CA10: variants seen among roughly 807,000 people sequenced by gnomAD.
CA10 encodes carbonic anhydrase-related protein 10.
A neutral mutation model predicts 44.2 loss-of-function variants in CA10; 14 were observed. That is an observed-to-expected ratio of 0.32 (90% CI 0.21 to 0.50). The LOEUF (loss-of-function observed/expected upper bound fraction) is 0.50, where lower values mean the gene tolerates loss of function less well. CA10 is among the 20% of genes least tolerant of loss of function. The pLI is 0.99. For synonymous variants in CA10, 159 were observed against 141.6 expected, an observed-to-expected ratio of 1.12 and a Z score of -0.87; for missense variants, 350 against 409.7, an observed-to-expected ratio of 0.85 and a Z score of 1.26.
At chr17:51,913,175 A>G (rs1981856695) in intron 3 of CA10, among the ~76,000 whole-genome samples, 1 of 152,206 alleles carries the variant, frequency 6.6e-6, no homozygotes, top group South Asian at 2.1e-4. Flanking sequence ...TAGAATCACA[A>G]GGGTATTGAT....
At chr17:51,932,674 C>T (rs1285025812) in intron 2 of CA10, among the ~76,000 whole-genome samples, 1 of 152,052 alleles carries the variant, frequency 6.6e-6, no homozygotes, top group African/African-American at 2.4e-5. Flanking sequence ...TAGCAATGGC[C>T]TGAGTTACAG....
At chr17:51,878,299 A>C (rs926253201) in intron 3 of CA10, among the ~76,000 whole-genome samples, 6 of 152,138 alleles carry the variant, frequency 3.9e-5, no homozygotes, top group African/African-American at 1.4e-4. Context: ...TATTTTTTAA[A>C]GTTCTCCATA....
rs1598246301 is a variant in CA10 at position 52,158,173 on chromosome 17, A to C, written c.-387T>G. ...ACTGGGCTCTTCCAGCAAAAACGAG[A>C]CCCCGATTCGTCTGGCGCCCCAAGA... On this transcript the variant is annotated 5_prime_UTR_variant, in exon 1 of 9. Coordinates refer to ENST00000451037, the MANE Select transcript of CA10 (RefSeq NM_020178.5). 1 of 317,442 alleles carries C rather than the reference A, an allele frequency of 3.2e-6. No homozygotes were observed. Among genetic ancestry groups the C allele is most frequent in the Admixed American group, 4.6e-5 (1 of 21,560 alleles). The allele number at this position is 317,442 out of a possible 1,614,324, so 19.7% of individuals were successfully genotyped here. A position where few individuals can be genotyped will look rare whatever the true frequency, so the allele number is the denominator to read the frequency against.
At chr17:51,868,743 T>C (rs2143856484) in intron 3 of CA10, among the ~76,000 whole-genome samples, 1 of 152,268 alleles carries the variant, frequency 6.6e-6, no homozygotes, top group African/African-American at 2.4e-5. Flanking sequence ...ATAACACTTA[T>C]GAGCAGCTCT....
chr17:52,133,955 T>C (rs1989296390), intron 1 of CA10, among the ~76,000 whole-genome samples: 1 of 152,040 alleles, frequency 6.6e-6, no homozygotes, highest in Non-Finnish European at 1.5e-5. Context: ...AGGCAGGAAG[T>C]GAGATCTATA....
chr17:52,059,009 G>A (rs916763640), intron 2 of CA10, among the ~76,000 whole-genome samples: 7 of 152,072 alleles, frequency 4.6e-5, no homozygotes, highest in Admixed American at 3.9e-4. Flanking sequence ...CATTTTTGGG[G>A]AAAAGAAATA....
intron 3 of CA10, among the ~76,000 whole-genome samples, chr17:51,849,231 G>GTATA (rs1441221955): frequency 1.8e-5 from 1 of 55,882 alleles, no homozygotes; most frequent in African/African-American, 3.9e-5. Context: ...ATATATGTGT[G>GTATA]TGTATATATA....
chr17:51,719,432 G>A (rs4794298), intron 4 of CA10, among the ~76,000 whole-genome samples: 56,935 of 151,998 alleles, frequency 0.37, 11,487 homozygotes, highest in Middle Eastern at 0.47. Flanking sequence ...TATTTCCCCC[G>A]TAGCCCAGCA....
chr17:51,819,084 G>A (rs1244597767), intron 3 of CA10, among the ~76,000 whole-genome samples: 3 of 152,160 alleles, frequency 2.0e-5, no homozygotes, highest in Non-Finnish European at 4.4e-5. Context: ...AAGCAACCAT[G>A]GCTATCTGCC....
intron 4 of CA10, among the ~76,000 whole-genome samples, chr17:51,679,248 G>C (rs1257963486): frequency 1.2e-5 from 1 of 85,798 alleles, no homozygotes; most frequent in Non-Finnish European, 2.4e-5. Context: ...CAGGGTCTGA[G>C]ACTGTTTTTC....
intron 3 of CA10, among the ~76,000 whole-genome samples, chr17:51,834,089 A>G (rs1349137771): frequency 6.6e-6 from 1 of 152,152 alleles, no homozygotes; most frequent in Non-Finnish European, 1.5e-5. Flanking sequence ...AAAGCACTTC[A>G]GAGAAGAACT....
chr17:51,672,833 C>G (rs1213676522), intron 4 of CA10, among the ~76,000 whole-genome samples: 3 of 152,194 alleles, frequency 2.0e-5, no homozygotes, highest in Admixed American at 2.0e-4. Context: ...GATCCCTCAC[C>G]CTGCCAGTCT....
chr17:51,911,701 T>C (rs1406565096), intron 3 of CA10, among the ~76,000 whole-genome samples: 1 of 152,188 alleles, frequency 6.6e-6, no homozygotes, highest in Non-Finnish European at 1.5e-5. Context: ...TCTGATATGA[T>C]GGAGATACCT....
chr17:51,831,366 G>T (rs1381927595), intron 3 of CA10, among the ~76,000 whole-genome samples: 1 of 152,176 alleles, frequency 6.6e-6, no homozygotes, highest in African/African-American at 2.4e-5. Flanking sequence ...TGACTACAGT[G>T]GATGCTGTTG....
At chr17:51,985,075 C>T (rs907988301) in intron 2 of CA10, among the ~76,000 whole-genome samples, 12 of 151,928 alleles carry the variant, frequency 7.9e-5, no homozygotes, top group South Asian at 2.1e-4. Flanking sequence ...AAGAAAACTA[C>T]GGACTGATAT....
chr17:51,679,023 T>G (rs1315734061), intron 4 of CA10, among the ~76,000 whole-genome samples: 10 of 152,172 alleles, frequency 6.6e-5, no homozygotes, highest in Non-Finnish European at 1.0e-4. Context: ...CCAAAGCAAT[T>G]GCATTTCTTA....
At chr17:51,763,666 C>T (rs1243451966) in intron 3 of CA10, among the ~76,000 whole-genome samples, 33 of 152,174 alleles carry the variant, frequency 2.2e-4, no homozygotes, top group Admixed American at 2.0e-3. Flanking sequence ...TATGCAATCC[C>T]CCTACCTCTT....
intron 2 of CA10, among the ~76,000 whole-genome samples, chr17:51,966,928 G>A (rs1984100475): frequency 6.6e-6 from 1 of 151,744 alleles, no homozygotes; most frequent in African/African-American, 2.4e-5. Context: ...CACACCTACA[G>A]AATGGGAGAA....
chr17:52,065,129 G>A (rs1230534588), intron 2 of CA10, among the ~76,000 whole-genome samples: 1 of 152,186 alleles, frequency 6.6e-6, no homozygotes, highest in African/African-American at 2.4e-5. Flanking sequence ...GCCCACGCTT[G>A]AGGCTCATGC....
Sources: allele counts gnomAD v4.1 joint callset (sites outside exome capture counted in the v4.1 genomes callset), GRCh38; gene constraint gnomAD v4.1.1; transcripts MANE v1.5; gene names NCBI Gene and HGNC (gene_info 2026-07-23, HGNC 2026-07-21).